The following DDR2 variants were observed in gnomAD, a reference collection of about 807,000 sequenced individuals.
DDR2 encodes discoidin domain receptor tyrosine kinase 2.
In DDR2, 27 loss-of-function variants were observed where a neutral mutation model predicts 94.9. That is an observed-to-expected ratio of 0.28 (90% CI 0.21 to 0.39). The LOEUF is 0.39. Ranked by LOEUF, DDR2 falls within the 10% of genes least tolerant of loss-of-function variation. DDR2 has a pLI of 1.00. For missense variants in DDR2, 783 were observed against 1,076.0 expected, an observed-to-expected ratio of 0.73 and a Z score of 3.81; for synonymous variants, 382 against 377.2, an observed-to-expected ratio of 1.01 and a Z score of -0.15.
chr1:162,780,457 A>G lies in DDR2; in HGVS notation c.*211A>G. The stretch of plus-strand genomic sequence containing the variant: ...TTTACATTAAAGAACTAAAAAAGGA[A>G]AAAAAAAAGCCTAGGGCAGATACAA... On this transcript the variant is annotated 3_prime_UTR_variant, in exon 18 of 18. Coordinates refer to ENST00000367921, the MANE Select transcript of DDR2 (RefSeq NM_006182.4). 2 of 623,940 alleles carry G rather than the reference A, an allele frequency of 3.2e-6. 1 individual carries two copies. Among genetic ancestry groups the G allele is most frequent in the East Asian group, 6.0e-5 (2 of 33,512 alleles). The allele number at this position is 623,940 out of a possible 1,614,324, so 38.7% of individuals were successfully genotyped here. A position where few individuals can be genotyped will look rare whatever the true frequency, so the allele number is the denominator to read the frequency against.
At chr1:162,770,535 G>A (rs759919904) in intron 12 of DDR2, 23 bp downstream of exon 12, 1 of 1,610,316 alleles carries the variant, frequency 6.2e-7, no homozygotes, top group South Asian at 1.1e-5. Context: ...TGGTGGGCAG[G>A]GTGTCAAGGG....
rs115981053 is a variant in DDR2 at position 162,743,345 on chromosome 1, G to A, written c.83-9750G>A. ...TTCTGCTGTTTCTGTGCCAAGCCTGGGCATTATGCTCACGTGAAACCTTTT... is the reference window on the plus strand; with the variant it reads ...TTCTGCTGTTTCTGTGCCAAGCCTGAGCATTATGCTCACGTGAAACCTTTT... On this transcript the variant is annotated intron_variant, in intron 3 of 17. Coordinates refer to ENST00000367921, the MANE Select transcript of DDR2 (RefSeq NM_006182.4). Among the ~76,000 whole-genome samples the A allele has an allele frequency of 9.9e-3, 1,503 of 152,118 alleles. 16 individuals are homozygous for A. Among genetic ancestry groups the A allele is most frequent in the Non-Finnish European group, 0.017 (1,160 of 67,978 alleles).
At chr1:162,706,110 T>C (rs1660649889) in intron 2 of DDR2, among the ~76,000 whole-genome samples, 1 of 152,212 alleles carries the variant, frequency 6.6e-6, no homozygotes, top group Non-Finnish European at 1.5e-5. Flanking sequence ...AGAAGTGCCA[T>C]GGTGAAGATA....
At position 162,771,695 on chromosome 1, in the gene DDR2, A is replaced by G. The variant is rs1043623552; in HGVS notation, c.1505-329A>G. Among the ~76,000 whole-genome samples, 4 of 152,320 alleles carry G rather than the reference A, an allele frequency of 2.6e-5. 1 individual carries two copies. The Middle Eastern group carries it at 0.01, about 389-fold the overall frequency. On this transcript the variant is annotated intron_variant, in intron 12 of 17. Coordinates refer to ENST00000367921, the MANE Select transcript of DDR2 (RefSeq NM_006182.4). ...ACAGTGTCTTAAAATTAAGGAAATA[A>G]GTTATTAAACCTTCAACCTTTAATA...
rs182495290 is a variant in DDR2, at chr1:162,775,724, G to A, written c.1929G>A (p.Val643=). ...KDPNIIHLLA[V]CITDDPLCMI... is the part of the protein sequence containing the mutation. The stretch of plus-strand genomic sequence containing the variant: ...CAAACATCATCCATCTATTAGCTGT[G>A]TGTATCACTGATGACCCTCTCTGTA... Residue 643 remains valine (V), a synonymous_variant, in exon 15 of 18, where the codon GTG becomes GTA. Coordinates refer to ENST00000367921, the MANE Select transcript of DDR2 (RefSeq NM_006182.4). The A allele has an allele frequency of 6.2e-7, 1 of 1,614,130 alleles. No homozygotes were observed. The highest frequency in any genetic ancestry group is 8.5e-7 in the Non-Finnish European group (1 of 1,180,000).
chr1:162,787,222 T>C lies in DDR2; in HGVS notation c.*6976T>C, dbSNP rs1648184777. 1 of 152,136 alleles carries C rather than the reference T, an allele frequency of 6.6e-6. No homozygotes were observed. The highest frequency in any genetic ancestry group is 2.4e-5 in the African/African-American group (1 of 41,422). 9.4% of individuals were successfully genotyped at this position (152,136 alleles called of 1,614,324 possible). A position where few individuals can be genotyped will look rare whatever the true frequency, so the allele number is the denominator to read the frequency against. ...GATGGGATCATTGTGTACCCTATTG[T>C]TCTTCTGATTTCCAGGAGAACAGAA... On this transcript the variant is annotated 3_prime_UTR_variant, in exon 18 of 18. Transcript: ENST00000367921.
At chr1:162,678,230 G>A (rs573642705) in intron 2 of DDR2, among the ~76,000 whole-genome samples, 53 of 135,204 alleles carry the variant, frequency 3.9e-4, no homozygotes, top group Non-Finnish European at 7.0e-4. Flanking sequence ...TTACCTACTA[G>A]TGTGACCTTG....
At chr1:162,699,662 G>C (rs1272598422) in intron 2 of DDR2, among the ~76,000 whole-genome samples, 1 of 152,104 alleles carries the variant, frequency 6.6e-6, no homozygotes, top group South Asian at 2.1e-4. Context: ...AAAAATAAAA[G>C]CAAAATATAG....
intron 2 of DDR2, among the ~76,000 whole-genome samples, chr1:162,672,491 C>T (rs908575444): frequency 1.3e-5 from 2 of 152,138 alleles, no homozygotes; most frequent in South Asian, 2.1e-4. Context: ...ACATGATGCT[C>T]TTGTCTTTCT....
At chr1:162,729,318 T>A (rs1226462155) in intron 3 of DDR2, among the ~76,000 whole-genome samples, 6 of 133,296 alleles carry the variant, frequency 4.5e-5, no homozygotes, top group South Asian at 2.4e-4. Flanking sequence ...TTTTTTTTTT[T>A]TTCCTTGGGA....
intron 3 of DDR2, chr1:162,741,649 C>A (rs1662619721): frequency 1.0e-6 from 1 of 985,232 alleles, no homozygotes; most frequent in Admixed American, 6.2e-5. Context: ...CTGCCTTGGA[C>A]AGCTAGATCT....
intron 2 of DDR2, among the ~76,000 whole-genome samples, chr1:162,672,162 C>A (rs539072019): frequency 1.3e-5 from 2 of 152,334 alleles, no homozygotes; most frequent in African/African-American, 4.8e-5. Flanking sequence ...CTAAACCTGG[C>A]TCTGTCACTT....
chr1:162,741,253 G>A (rs4038290), intron 3 of DDR2, among the ~76,000 whole-genome samples: 2,077 of 88,810 alleles, frequency 0.023, 52 homozygotes, highest in African/African-American at 0.051. Flanking sequence ...ATAGTATAAT[G>A]TAATGTAATG....
chr1:162,679,425 T>C (rs1373998647), intron 2 of DDR2, among the ~76,000 whole-genome samples: 2 of 152,220 alleles, frequency 1.3e-5, no homozygotes, highest in African/African-American at 2.4e-5. Flanking sequence ...AACTCAGTTA[T>C]ATTTTTGACA....
chr1:162,776,404 A>G, intron 16 of DDR2, 34 bp downstream of exon 16: 1 of 1,610,724 alleles, frequency 6.2e-7, no homozygotes, highest in Non-Finnish European at 8.5e-7. Context: ...CCTGTCTAAC[A>G]ACTGGCTTGT....
At chr1:162,769,888 A>T (rs1259502168) in intron 11 of DDR2, among the ~76,000 whole-genome samples, 1 of 152,226 alleles carries the variant, frequency 6.6e-6, no homozygotes, top group Non-Finnish European at 1.5e-5. Context: ...GTTATAGCAC[A>T]TGCATTAAGT....
intron 3 of DDR2, among the ~76,000 whole-genome samples, chr1:162,730,967 T>G (rs1011426035): frequency 9.2e-5 from 14 of 152,216 alleles, no homozygotes; most frequent in African/African-American, 3.4e-4. Flanking sequence ...CTGCTCCAAA[T>G]GGGCAAATGG....
At chr1:162,700,076 G>C (rs1161631278) in intron 2 of DDR2, among the ~76,000 whole-genome samples, 1 of 152,232 alleles carries the variant, frequency 6.6e-6, no homozygotes, top group African/African-American at 2.4e-5. Flanking sequence ...AGTTACTCAT[G>C]AGAGAGCTTC....
chr1:162,681,804 A>G lies in DDR2; in HGVS notation c.-28+26430A>G, dbSNP rs555655772. The stretch of plus-strand genomic sequence containing the variant: ...CCATGACTTTGGGGGTCAGATTTAA[A>G]CATAGGAATTTTAAGGGGACACAAA... On this transcript the variant is annotated intron_variant, in intron 2 of 17. Transcript: ENST00000367921. Among the ~76,000 whole-genome samples, 95 of 152,312 alleles carry G rather than the reference A, an allele frequency of 6.2e-4. 1 individual carries two copies. The highest frequency in any genetic ancestry group is 2.1e-3 in the African/African-American group (88 of 41,576).
Sources: gnomAD v4.1 joint callset for allele counts (sites outside exome capture counted in the v4.1 genomes callset) on GRCh38, gnomAD v4.1.1 for gene constraint, MANE v1.5 for transcripts, NCBI Gene and HGNC (gene_info 2026-07-23, HGNC 2026-07-21) for gene names.